Variants in CCDC148 observed in about 807,000 individuals in gnomAD.
CCDC148 encodes coiled-coil domain-containing protein 148.
In CCDC148, 89 loss-of-function variants were observed where a neutral mutation model predicts 85.7. That is an observed-to-expected ratio of 1.04 (90% CI 0.87 to 1.24). The LOEUF (loss-of-function observed/expected upper bound fraction) is 1.24, where lower values mean the gene tolerates loss of function less well. Among genes scored for constraint, CCDC148 ranks in the 50% most tolerant of loss-of-function variants. The pLI, the probability that CCDC148 is intolerant of heterozygous loss-of-function variation, is 0.00. For missense variants in CCDC148, 692 were observed against 671.7 expected, an observed-to-expected ratio of 1.03 and a Z score of -0.33; for synonymous variants, 230 against 213.9, an observed-to-expected ratio of 1.08 and a Z score of -0.66.
chr2:158,189,502 T>G (rs1398801677), intron 11 of CCDC148, among the ~76,000 whole-genome samples: 1 of 151,874 alleles, frequency 6.6e-6, no homozygotes, highest in Non-Finnish European at 1.5e-5. Context: ...TAAAAATGTG[T>G]TCAAGTAAGT....
At position 158,264,838 on chromosome 2, in the gene CCDC148, A is replaced by G. The variant is rs549080839; in HGVS notation, c.1111-13926T>C. On this transcript the variant is annotated intron_variant, in intron 9 of 13. Coordinates refer to ENST00000283233, the MANE Select transcript of CCDC148 (RefSeq NM_138803.4). ...AATGGGAAATCTTATTCTTTTCCAT[A>G]AAGTCTTAGTTAACCTCTGAAATGA... 1.2e-4 allele frequency among the ~76,000 whole-genome samples: 19 copies of G among 152,266 alleles called. No homozygotes were observed. In the South Asian group the frequency reaches 3.9e-3, roughly 32 times the overall value.
intron 11 of CCDC148, among the ~76,000 whole-genome samples, chr2:158,208,814 A>T (rs978873751): frequency 6.6e-6 from 1 of 152,202 alleles, no homozygotes; most frequent in African/African-American, 2.4e-5. Context: ...TTTTTACCAC[A>T]AAATTTAACT....
At chr2:158,280,206 A>G (rs1433468430) in intron 9 of CCDC148, among the ~76,000 whole-genome samples, 1 of 152,246 alleles carries the variant, frequency 6.6e-6, no homozygotes, top group Non-Finnish European at 1.5e-5. Flanking sequence ...GACTTGGAAG[A>G]AACTGCATCA....
At chr2:158,444,706 T>A (rs1265308194) in intron 1 of CCDC148, among the ~76,000 whole-genome samples, 1 of 132,680 alleles carries the variant, frequency 7.5e-6, no homozygotes, top group Non-Finnish European at 1.5e-5. Context: ...TCACTTGAGC[T>A]GGGGAGAGGT....
At chr2:158,312,745 G>A (rs1692095522) in intron 8 of CCDC148, among the ~76,000 whole-genome samples, 2 of 152,026 alleles carry the variant, frequency 1.3e-5, no homozygotes, top group African/African-American at 2.4e-5. Flanking sequence ...ATAAATGAAA[G>A]TTATTTAAAA....
intron 3 of CCDC148, among the ~76,000 whole-genome samples, chr2:158,344,717 A>T (rs1682906682): frequency 6.6e-6 from 1 of 152,104 alleles, no homozygotes; most frequent in Non-Finnish European, 1.5e-5. Context: ...AAAATTGAGT[A>T]AGTTAGTCAT....
At chr2:158,358,643 C>A in intron 1 of CCDC148, 73 bp from the exon 2 acceptor site, 1 of 1,009,632 alleles carries the variant, frequency 9.9e-7, no homozygotes, top group Non-Finnish European at 1.4e-6. Flanking sequence ...ATAATTAGGG[C>A]AACATGTTGA....
chr2:158,228,119 C>A (rs1399763599), intron 10 of CCDC148, among the ~76,000 whole-genome samples: 2 of 151,996 alleles, frequency 1.3e-5, no homozygotes, highest in South Asian at 2.1e-4. Flanking sequence ...AAGAAAAAAA[C>A]AAACAACCCC....
chr2:158,319,449 AAG>A (rs1692426777), intron 7 of CCDC148, among the ~76,000 whole-genome samples: 1 of 152,186 alleles, frequency 6.6e-6, no homozygotes, highest in African/African-American at 2.4e-5. Context: ...AGCTCTTAAA[AAG>A]AGTCACAAAG....
intron 9 of CCDC148, among the ~76,000 whole-genome samples, chr2:158,280,187 G>C (rs971636265): frequency 2.0e-5 from 3 of 152,182 alleles, no homozygotes; most frequent in Admixed American, 6.5e-5. Flanking sequence ...AAAATGTAAA[G>C]AGCATCGAGA....
intron 9 of CCDC148, among the ~76,000 whole-genome samples, chr2:158,268,379 T>C (rs2105159949): frequency 6.6e-6 from 1 of 152,268 alleles, no homozygotes; most frequent in African/African-American, 2.4e-5. Flanking sequence ...TTCACTATTC[T>C]TTATTAGCTG....
chr2:158,401,215 G>A (rs542968731), intron 1 of CCDC148, among the ~76,000 whole-genome samples: 2 of 152,054 alleles, frequency 1.3e-5, no homozygotes, highest in African/African-American at 2.4e-5. Flanking sequence ...ATACCCAAAC[G>A]ATTATAAATC....
intron 2 of CCDC148, among the ~76,000 whole-genome samples, chr2:158,352,302 A>C: frequency 1.3e-5 from 2 of 151,556 alleles, no homozygotes; most frequent in African/African-American, 4.9e-5. Context: ...CATTCAAACC[A>C]AAGGGAAAGA....
chr2:158,449,939 A>G (rs1688328263), intron 1 of CCDC148, among the ~76,000 whole-genome samples: 1 of 151,848 alleles, frequency 6.6e-6, no homozygotes, highest in Non-Finnish European at 1.5e-5. Flanking sequence ...TTTACCGTGA[A>G]TCGGTGTTGT....
chr2:158,278,293 T>A (rs1014754232), intron 9 of CCDC148, among the ~76,000 whole-genome samples: 3 of 151,910 alleles, frequency 2.0e-5, no homozygotes, highest in Admixed American at 6.6e-5. Context: ...TGGGTGCAGC[T>A]CACCATGCAC....
chr2:158,304,257 G>A (rs1048350270), intron 9 of CCDC148, among the ~76,000 whole-genome samples: 2 of 152,114 alleles, frequency 1.3e-5, no homozygotes, highest in Non-Finnish European at 2.9e-5. Flanking sequence ...GAAGAGGAGG[G>A]CTAAAGAAAA....
intron 1 of CCDC148, among the ~76,000 whole-genome samples, chr2:158,366,917 G>C (rs1559103042): frequency 1.3e-5 from 2 of 152,138 alleles, no homozygotes; most frequent in African/African-American, 4.8e-5. Context: ...GGCCCTTTCA[G>C]TAACCTAAAC....
intron 11 of CCDC148, among the ~76,000 whole-genome samples, chr2:158,208,099 T>C (rs968476567): frequency 3.3e-5 from 5 of 152,120 alleles, no homozygotes; most frequent in Non-Finnish European, 7.3e-5. Flanking sequence ...AGATAGATCA[T>C]GACAAGATGA....
chr2:158,302,779 TAAA>T (rs5835699), intron 9 of CCDC148, among the ~76,000 whole-genome samples: 2 of 135,900 alleles, frequency 1.5e-5, no homozygotes, highest in Non-Finnish European at 3.2e-5. Context: ...TGAGACTCCA[TAAA>T]AAAAAAAAAA....
Sources: allele counts gnomAD v4.1 joint callset (sites outside exome capture counted in the v4.1 genomes callset), GRCh38; gene constraint gnomAD v4.1.1; transcripts MANE v1.5; gene names NCBI Gene and HGNC (gene_info 2026-07-23, HGNC 2026-07-21).